Variants in ADCYAP1R1 observed in about 807,000 individuals in gnomAD.
ADCYAP1R1 encodes pituitary adenylate cyclase-activating polypeptide type I receptor.
ADCYAP1R1 carries 44 observed loss-of-function variants against 67.6 expected under a neutral mutation model. That is an observed-to-expected ratio of 0.65 (90% CI 0.51 to 0.84). The LOEUF (loss-of-function observed/expected upper bound fraction) is 0.84, where lower values mean the gene tolerates loss of function less well. ADCYAP1R1 is among the 40% of genes least tolerant of loss of function. The pLI is 0.00. For synonymous variants in ADCYAP1R1, 222 were observed against 219.6 expected, an observed-to-expected ratio of 1.01 and a Z score of -0.10; for missense variants, 477 against 587.9, an observed-to-expected ratio of 0.81 and a Z score of 1.95.
intron 1 of ADCYAP1R1, among the ~76,000 whole-genome samples, chr7:31,059,748 G>C (rs557077742): frequency 6.6e-6 from 1 of 152,086 alleles, no homozygotes; most frequent in Admixed American, 6.5e-5. Flanking sequence ...TGTCCAGTTG[G>C]GGGCAGTGCA....
chr7:31,100,971 G>A (rs1056327951), intron 13 of ADCYAP1R1, among the ~76,000 whole-genome samples: 6 of 152,228 alleles, frequency 3.9e-5, no homozygotes, highest in Admixed American at 1.3e-4. Flanking sequence ...AGGGCAGGAG[G>A]ACAGAGGCCT....
At chr7:31,084,033 G>T in intron 6 of ADCYAP1R1, 108 bp from the exon 7 acceptor site, 4 of 841,570 alleles carry the variant, frequency 4.8e-6, no homozygotes, top group Non-Finnish European at 5.9e-6. Context: ...CTTCCCAGTT[G>T]GTCATAGGGG....
At chr7:31,084,588 G>A in intron 7 of ADCYAP1R1, 149 bp from the exon 8 acceptor site, 2 of 708,086 alleles carry the variant, frequency 2.8e-6, no homozygotes, top group Non-Finnish European at 5.1e-6. Context: ...GGTGGGAGGT[G>A]GTGGAGATGA....
At chr7:31,063,444 T>C in intron 2 of ADCYAP1R1, 129 bp downstream of exon 2, 1 of 975,846 alleles carries the variant, frequency 1.0e-6, no homozygotes, top group Non-Finnish European at 1.6e-6. Flanking sequence ...ACACCACCAC[T>C]GGGCCACCCA....
At chr7:31,078,556 C>T (rs546125027) in intron 4 of ADCYAP1R1, among the ~76,000 whole-genome samples, 20 of 152,318 alleles carry the variant, frequency 1.3e-4, no homozygotes, top group Admixed American at 9.1e-4. Flanking sequence ...CAGTGGGAGG[C>T]ATGGAGAGAG....
intron 12 of ADCYAP1R1, among the ~76,000 whole-genome samples, chr7:31,091,694 G>A (rs943312691): frequency 7.9e-5 from 12 of 151,978 alleles, no homozygotes; most frequent in Admixed American, 2.0e-4. Flanking sequence ...GCTTATTTTC[G>A]TAAACTTCAG....
chr7:31,072,343 G>C lies in ADCYAP1R1; in HGVS notation c.158-5648G>C, dbSNP rs181335993. On this transcript the variant is annotated intron_variant, in intron 3 of 15. Coordinates refer to ENST00000304166, the MANE Select transcript of ADCYAP1R1 (RefSeq NM_001118.5). ...AGAAAGGCAGGCTGTGGAAGCTTAT[G>C]AGGGACATTTTAGAGGTGGATTCTG... Among the ~76,000 whole-genome samples the C allele has an allele frequency of 2.0e-3, 302 of 152,278 alleles. 2 individuals are homozygous for C. The highest frequency in any genetic ancestry group is 4.4e-3 in the Admixed American group (68 of 15,292).
chr7:31,084,028 CA>C lies in ADCYAP1R1; in HGVS notation c.329-112del, dbSNP rs1795630114. On this transcript the variant is annotated intron_variant, in intron 6 of 15. Transcript: ENST00000304166. ...TTCTGAAACCTTTCCCCATGCTTCCCAGTTGGTCATAGGGGTTTCCAGGAAT... is the reference window on the plus strand; with the variant it reads ...TTCTGAAACCTTTCCCCATGCTTCCCGTTGGTCATAGGGGTTTCCAGGAAT... 4.1e-5 allele frequency: 33 copies of C among 808,800 alleles called. No homozygotes were observed. The South Asian group carries it at 5.1e-4, about 12-fold the overall frequency. 50.1% of individuals were successfully genotyped at this position (808,800 alleles called of 1,614,324 possible).
intron 13 of ADCYAP1R1, among the ~76,000 whole-genome samples, chr7:31,094,898 CT>C (rs368299469): frequency 1.0e-4 from 15 of 149,056 alleles, no homozygotes; most frequent in East Asian, 2.0e-4. Context: ...CTCAGCAAAT[CT>C]TTTTTTTTTA....
At chr7:31,092,432 C>T (rs767321359) in intron 12 of ADCYAP1R1, among the ~76,000 whole-genome samples, 4 of 151,950 alleles carry the variant, frequency 2.6e-5, no homozygotes, top group African/African-American at 7.3e-5. Flanking sequence ...TCCTATTTCC[C>T]GTACTTCTAT....
At position 31,084,799 on chromosome 7, in the gene ADCYAP1R1, C is replaced by T. The variant is rs756465512; in HGVS notation, c.501C>T (p.Thr167=). The change falls in exon 8 of 16, where the codon ACC becomes ACT. Residue 167 remains threonine (T), a synonymous_variant. Transcript: ENST00000304166. ...TTGGCTACAGCACATCCCTCGTCAC[C>T]CTCACCACTGCCATGGTCATCCTTT... is the stretch of plus-strand genomic sequence containing the variant. ...YTVGYSTSLV[T]LTTAMVILCR... 3.1e-6 allele frequency: 5 copies of T among 1,614,012 alleles called. No homozygotes were observed. The South Asian group carries it at 3.3e-5, about 11-fold the overall frequency.
chr7:31,059,003 G>A (rs1444833624), intron 1 of ADCYAP1R1, among the ~76,000 whole-genome samples: 3 of 152,224 alleles, frequency 2.0e-5, no homozygotes, highest in Admixed American at 6.5e-5. Context: ...TTGCTTGGAA[G>A]AGTGTCTGGC....
At chr7:31,082,566 AGG>A (rs1176398742) in intron 6 of ADCYAP1R1, among the ~76,000 whole-genome samples, 1 of 152,214 alleles carries the variant, frequency 6.6e-6, no homozygotes, top group Non-Finnish European at 1.5e-5. Flanking sequence ...CAAAGCAGAG[AGG>A]AAATGAGGCC....
At chr7:31,078,535 T>A (rs941546434) in intron 4 of ADCYAP1R1, among the ~76,000 whole-genome samples, 4 of 152,150 alleles carry the variant, frequency 2.6e-5, no homozygotes, top group African/African-American at 9.7e-5. Flanking sequence ...CAGCCACAGA[T>A]CCTCAGCGCC....
Position 31,086,588 on chromosome 7 carries a change from G to A in ADCYAP1R1, c.823+51G>A. 1 of 1,603,786 alleles carries A rather than the reference G, an allele frequency of 6.2e-7. No individual in the cohort carries two copies. Among genetic ancestry groups the A allele is most frequent in the Non-Finnish European group, 8.5e-7 (1 of 1,173,622 alleles). On this transcript the variant is annotated intron_variant, in intron 10 of 15. Coordinates refer to ENST00000304166, the MANE Select transcript of ADCYAP1R1 (RefSeq NM_001118.5). This position sits in a 1 kb window ranked among gnomAD's most constrained non-coding sequence, Gnocchi z 5.0. ...AGGTTCAGGTCCCGTGGTCAGGTGTGTCCAGGTGTGTCTTTGGTTCCATCT... is the reference window on the plus strand; with the variant it reads ...AGGTTCAGGTCCCGTGGTCAGGTGTATCCAGGTGTGTCTTTGGTTCCATCT...
Position 31,092,611 on chromosome 7 carries a change from T to C in ADCYAP1R1, c.955-33T>C, listed in dbSNP as rs372021322. ...ATAATAGCATCTTTGCCCAGAATCATGTCCATCTGCTTTTTTTTTTTTTGC... is the reference window on the plus strand; with the variant it reads ...ATAATAGCATCTTTGCCCAGAATCACGTCCATCTGCTTTTTTTTTTTTTGC... On this transcript the variant is annotated intron_variant, in intron 12 of 15. Transcript: ENST00000304166. 6.0e-4 allele frequency: 930 copies of C among 1,544,202 alleles called. 2 individuals are homozygous for C. The highest frequency in any genetic ancestry group is 7.4e-4 in the South Asian group (66 of 89,474).
chr7:31,078,776 C>G (rs368108315), intron 4 of ADCYAP1R1, among the ~76,000 whole-genome samples: 1 of 152,122 alleles, frequency 6.6e-6, no homozygotes, highest in Non-Finnish European at 1.5e-5. Flanking sequence ...GGAGCTGGAC[C>G]TTGGGCTACC....
intron 1 of ADCYAP1R1, among the ~76,000 whole-genome samples, chr7:31,057,450 C>T (rs985660149): frequency 6.6e-6 from 1 of 152,242 alleles, no homozygotes; most frequent in African/African-American, 2.4e-5. Context: ...CCAACGGGCA[C>T]AGGTGCCCCA....
At chr7:31,076,575 A>G (rs979712197) in intron 3 of ADCYAP1R1, among the ~76,000 whole-genome samples, 9 of 152,144 alleles carry the variant, frequency 5.9e-5, no homozygotes, top group African/African-American at 1.9e-4. Flanking sequence ...CTTCCTCTCC[A>G]TCAGTCTGGA....
Sources: allele counts gnomAD v4.1 joint callset (sites outside exome capture counted in the v4.1 genomes callset), GRCh38; gene constraint gnomAD v4.1.1; non-coding constraint Gnocchi (gnomAD v3.1); transcripts MANE v1.5; gene names NCBI Gene and HGNC (gene_info 2026-07-23, HGNC 2026-07-21).